DOP1A: variants seen among roughly 807,000 people sequenced by gnomAD.
DOP1A encodes the protein protein DOP1A.
In DOP1A, 90 loss-of-function variants were observed where a neutral mutation model predicts 267.6. The ratio of observed to expected loss-of-function variants is 0.34; its 90% CI spans 0.28 to 0.40. The LOEUF (loss-of-function observed/expected upper bound fraction) is 0.40, where lower values mean the gene tolerates loss of function less well. DOP1A is among the 10% of genes least tolerant of loss of function. The pLI is 1.00. For missense variants in DOP1A, 2,437 were observed against 2,900.4 expected, an observed-to-expected ratio of 0.84 and a Z score of 3.67; for synonymous variants, 932 against 999.1, an observed-to-expected ratio of 0.93 and a Z score of 1.27.
chr6:83,167,579 T>C (rs1239800314), intron 38 of DOP1A: 16 of 1,105,996 alleles, frequency 1.4e-5, no homozygotes, highest in Non-Finnish European at 1.8e-5. Context: ...AAAACTTTTA[T>C]GTTTGACTCT....
Position 83,148,786 on chromosome 6 carries a change from C to G in DOP1A, c.5760C>G (p.Ser1920Arg), listed in dbSNP as rs138733800. Reference protein sequence around the residue: ...QRIPVPNLVDSWASLLILLKD... With the variant: ...QRIPVPNLVDRWASLLILLKD... ...TTCCAGTGCCCAATTTAGTGGATAG[C>G]TGGGCGTCACTGTTGATACTTCTGA... The change falls in exon 27 of 39, where the codon AGC (serine) becomes AGG (arginine). Residue 1920 changes from serine to arginine, a missense_variant. Ser to Arg is a moderately radical substitution (Grantham distance 110). Coordinates refer to ENST00000349129, the MANE Select transcript of DOP1A (RefSeq NM_015018.4). 1.3e-6 allele frequency: 2 copies of G among 1,557,958 alleles called. No individual in the cohort carries two copies. The highest frequency in any genetic ancestry group is 1.7e-6 in the Non-Finnish European group (2 of 1,160,930).
intron 1 of DOP1A, among the ~76,000 whole-genome samples, chr6:83,071,623 A>G (rs974912532): frequency 6.6e-6 from 1 of 152,184 alleles, no homozygotes; most frequent in Non-Finnish European, 1.5e-5. Flanking sequence ...GTGCTTGAAA[A>G]TTCCTTAGAA....
At chr6:83,104,745 T>C (rs1317052572) in intron 4 of DOP1A, among the ~76,000 whole-genome samples, 1 of 152,136 alleles carries the variant, frequency 6.6e-6, no homozygotes, top group Non-Finnish European at 1.5e-5. Flanking sequence ...TGCATCAGCC[T>C]AAAGTTCTTA....
downstream of DOP1A, chr6:83,170,444 G>C: frequency 6.2e-7 from 1 of 1,614,020 alleles, no homozygotes; most frequent in Non-Finnish European, 8.5e-7. Flanking sequence ...TTGTCTTTCA[G>C]CATCGGTAGT....
chr6:83,132,767 A>T (rs1470914361), intron 18 of DOP1A, among the ~76,000 whole-genome samples: 1 of 152,202 alleles, frequency 6.6e-6, no homozygotes, highest in South Asian at 2.1e-4. Context: ...TATTATTTGT[A>T]TTATTATACT....
At chr6:83,149,467 T>G (rs548957119) in intron 27 of DOP1A, among the ~76,000 whole-genome samples, 2 of 152,234 alleles carry the variant, frequency 1.3e-5, no homozygotes, top group Admixed American at 1.3e-4. Flanking sequence ...GGAAGGGTAT[T>G]CTGGGGCAAA....
chr6:83,162,754 G>A, intron 37 of DOP1A, 36 bp from the exon 38 acceptor site: 1 of 1,580,272 alleles, frequency 6.3e-7, no homozygotes, highest in Non-Finnish European at 8.6e-7. Context: ...CACAAAGTCT[G>A]TCTTACTGAT....
At position 83,168,167 on chromosome 6, in the gene DOP1A, A is replaced by G; in HGVS notation, c.7398A>G (p.Ter2466TrpextTer16). 1 of 1,611,048 alleles carries G rather than the reference A, an allele frequency of 6.2e-7. No individual in the cohort carries two copies. The highest frequency in any genetic ancestry group is 8.5e-7 in the Non-Finnish European group (1 of 1,178,916). ...TTCTGGAAGGGATGATAAAAACTTGAGCACCATTGCTGGTTCCATTTAGCT... is the reference window on the plus strand; with the variant it reads ...TTCTGGAAGGGATGATAAAAACTTGGGCACCATTGCTGGTTCCATTTAGCT... ...KDFLEGMIKT* is the reference protein window; with the variant it reads ...KDFLEGMIKTW Residue 2466 changes from the stop codon to tryptophan (W), a stop_lost, in exon 39 of 39, where the codon TGA becomes TGG. Coordinates refer to ENST00000349129, the MANE Select transcript of DOP1A (RefSeq NM_015018.4).
At chr6:83,082,557 A>G (rs746744795) in intron 1 of DOP1A, among the ~76,000 whole-genome samples, 46 of 152,316 alleles carry the variant, frequency 3.0e-4, no homozygotes, top group Admixed American at 3.9e-4. Context: ...AAGGATATAT[A>G]GTTAGGAGGA....
intron 1 of DOP1A, among the ~76,000 whole-genome samples, chr6:83,096,376 C>A (rs1217820974): frequency 6.6e-6 from 1 of 151,308 alleles, no homozygotes; most frequent in Non-Finnish European, 1.5e-5. Context: ...AGCCACTGTA[C>A]TCAGCTGTGG....
chr6:83,100,645 G>A (rs1772403439), intron 3 of DOP1A, 60 bp from the exon 4 acceptor site: 2 of 1,182,640 alleles, frequency 1.7e-6, no homozygotes, highest in Admixed American at 5.7e-5. Context: ...GCTAGAAAAT[G>A]GAAGTAAAAT....
intron 38 of DOP1A, chr6:83,166,016 C>A: frequency 6.8e-6 from 2 of 294,732 alleles, no homozygotes; most frequent in South Asian, 8.5e-5. Flanking sequence ...TTCTTTCAGT[C>A]CAGCCACTGA....
chr6:83,113,508 G>C, intron 7 of DOP1A, 87 bp downstream of exon 7: 1 of 1,047,494 alleles, frequency 9.5e-7, no homozygotes, highest in South Asian at 1.4e-5. Flanking sequence ...AGGCATGTGT[G>C]TTGAATTCTT....
At chr6:83,090,278 T>G (rs1240718771) in intron 1 of DOP1A, among the ~76,000 whole-genome samples, 1 of 152,232 alleles carries the variant, frequency 6.6e-6, no homozygotes, top group East Asian at 1.9e-4. Flanking sequence ...TTTGACAAAA[T>G]TAAGCATGTT....
At chr6:83,093,837 C>T (rs913803157) in intron 1 of DOP1A, among the ~76,000 whole-genome samples, 4 of 152,146 alleles carry the variant, frequency 2.6e-5, no homozygotes, top group African/African-American at 9.7e-5. Context: ...GCCCAGGAGG[C>T]GGAGATTGCA....
At chr6:83,100,569 G>A in intron 3 of DOP1A, 136 bp from the exon 4 acceptor site, 1 of 484,082 alleles carries the variant, frequency 2.1e-6, no homozygotes, top group South Asian at 8.4e-5. Flanking sequence ...TTTAAATATG[G>A]TATATATAGG....
Position 83,156,121 on chromosome 6 carries a change from C to CTT in DOP1A, c.6604+20_6604+21dup. Reference sequence around the variant, plus strand: ...TATACAAGGTAAAAAATGAAAAACCCTTTATTTTTTCTCTAACTACAGGTT... The same window carrying CTT: ...TATACAAGGTAAAAAATGAAAAACCCTTTTTATTTTTTCTCTAACTACAGGTT... On this transcript the variant is annotated intron_variant, in intron 34 of 38. Transcript: ENST00000349129. The CTT allele has an allele frequency of 2.5e-6, 4 of 1,592,114 alleles. No individual in the cohort carries two copies. The highest frequency in any genetic ancestry group is 3.4e-6 in the Non-Finnish European group (4 of 1,171,548).
intron 8 of DOP1A, among the ~76,000 whole-genome samples, 187 bp from the exon 9 acceptor site, chr6:83,119,561 T>C (rs926716550): frequency 6.6e-6 from 1 of 152,132 alleles, no homozygotes; most frequent in African/African-American, 2.4e-5. Flanking sequence ...AAGAATACTA[T>C]GATACTTATG....
chr6:83,109,655 T>A (rs1010755472), intron 5 of DOP1A, among the ~76,000 whole-genome samples: 2 of 152,196 alleles, frequency 1.3e-5, no homozygotes, highest in Non-Finnish European at 2.9e-5. Flanking sequence ...TCAAACAAAG[T>A]TATTTGATCT....
Sources: allele counts gnomAD v4.1 joint callset (sites outside exome capture counted in the v4.1 genomes callset), GRCh38; gene constraint gnomAD v4.1.1; transcripts MANE v1.5; gene names NCBI Gene and HGNC (gene_info 2026-07-23, HGNC 2026-07-21).